The following SORBS2 variants were observed in gnomAD, a reference collection of about 807,000 sequenced individuals.
SORBS2 encodes the protein sorbin and SH3 domain containing 2.
Under a neutral mutation model 97.7 loss-of-function variants are expected in SORBS2, and 46 were observed. The observed-to-expected ratio is 0.47, with a 90% CI of 0.37 to 0.60. The LOEUF is 0.60. SORBS2 is among the 20% of genes least tolerant of loss of function. The pLI is 0.00. For missense variants in SORBS2, 1,316 were observed against 1,282.3 expected, an observed-to-expected ratio of 1.03 and a Z score of -0.40; for synonymous variants, 476 against 473.4, an observed-to-expected ratio of 1.01 and a Z score of -0.07.
chr4:185,811,084 T>TAA (rs1367806181), intron 1 of SORBS2: 1 of 152,136 alleles, frequency 6.6e-6, no homozygotes, highest in East Asian at 1.9e-4. Flanking sequence ...TTCCAATACC[T>TAA]ACACTGTTTG....
At chr4:185,939,429 G>T (rs993217991) in intron 1 of SORBS2, among the ~76,000 whole-genome samples, 1 of 152,078 alleles carries the variant, frequency 6.6e-6, no homozygotes, top group African/African-American at 2.4e-5. Context: ...TTTGGCCCAC[G>T]TCCCTCTCTG....
intron 1 of SORBS2, among the ~76,000 whole-genome samples, chr4:185,800,917 G>A (rs1043538123): frequency 2.6e-5 from 4 of 152,104 alleles, no homozygotes; most frequent in Non-Finnish European, 5.9e-5. Context: ...AGAACATTTG[G>A]ATCTACTCCC....
intron 2 of SORBS2, among the ~76,000 whole-genome samples, chr4:185,682,293 G>A (rs573349738): frequency 2.4e-4 from 37 of 152,284 alleles, no homozygotes; most frequent in African/African-American, 7.5e-4. Context: ...CCCATACTGC[G>A]GCATTCCTTT....
intron 1 of SORBS2, among the ~76,000 whole-genome samples, chr4:185,894,734 C>T (rs1474403182): frequency 6.6e-6 from 1 of 152,198 alleles, no homozygotes; most frequent in Admixed American, 6.5e-5. Context: ...AAGAGAGCTG[C>T]CACCTCAGTC....
chr4:185,907,708 A>G (rs1179504891), intron 1 of SORBS2, among the ~76,000 whole-genome samples: 5 of 152,180 alleles, frequency 3.3e-5, no homozygotes, highest in Non-Finnish European at 7.3e-5. Context: ...AGATGTTATT[A>G]TAGGTATAGA....
chr4:185,633,572 ACT>A (rs2096942659), intron 4 of SORBS2, among the ~76,000 whole-genome samples: 1 of 151,758 alleles, frequency 6.6e-6, no homozygotes, highest in African/African-American at 2.4e-5. Context: ...AATTAACAGA[ACT>A]CTTTTCACAG....
At chr4:185,707,513 GT>G (rs5864953) in intron 2 of SORBS2, among the ~76,000 whole-genome samples, 96,605 of 148,396 alleles carry the variant, frequency 0.65, 32,953 homozygotes, top group Non-Finnish European at 0.77. Flanking sequence ...AAACATCTTT[GT>G]TTTTTTTTTT....
intron 1 of SORBS2, among the ~76,000 whole-genome samples, chr4:185,655,768 C>T (rs2097390302): frequency 2.0e-5 from 3 of 152,120 alleles, no homozygotes; most frequent in African/African-American, 7.2e-5. Flanking sequence ...CCTTTTGAAA[C>T]TAACCAGGCA....
intron 4 of SORBS2, among the ~76,000 whole-genome samples, chr4:185,672,723 C>G (rs1043188704): frequency 1.8e-4 from 28 of 152,174 alleles, no homozygotes; most frequent in Non-Finnish European, 1.5e-5. Context: ...ATGTACTTTT[C>G]ACATCTTGGT....
chr4:185,814,698 G>A (rs1585237811), intron 1 of SORBS2, among the ~76,000 whole-genome samples: 2 of 152,192 alleles, frequency 1.3e-5, no homozygotes, highest in Admixed American at 1.3e-4. Context: ...CCCCCAGTTT[G>A]CACTGAACCG....
intron 4 of SORBS2, among the ~76,000 whole-genome samples, chr4:185,673,230 C>T (rs13136401): frequency 0.63 from 95,579 of 151,986 alleles, 30,983 homozygotes; most frequent in East Asian, 0.84. Flanking sequence ...ATGAATAAAT[C>T]CTAGAGATCT....
At chr4:185,711,024 C>G (rs1455808915) in intron 2 of SORBS2, among the ~76,000 whole-genome samples, 1 of 151,984 alleles carries the variant, frequency 6.6e-6, no homozygotes, top group Non-Finnish European at 1.5e-5. Flanking sequence ...GGCTGGAGTG[C>G]CGTGGTGTGA....
At chr4:185,950,448 G>GA (rs1281553506) in intron 1 of SORBS2, among the ~76,000 whole-genome samples, 3 of 152,140 alleles carry the variant, frequency 2.0e-5, no homozygotes, top group Non-Finnish European at 4.4e-5. Context: ...ACAGTTAATG[G>GA]AAAAAGAGAC....
intron 2 of SORBS2, among the ~76,000 whole-genome samples, chr4:185,728,379 G>GT (rs1378652766): frequency 6.6e-6 from 1 of 152,226 alleles, no homozygotes; most frequent in Non-Finnish European, 1.5e-5. Context: ...ATGGGAATCA[G>GT]TTGGAAGTAT....
intron 6 of SORBS2, 115 bp from the exon 19 acceptor site, chr4:185,624,609 T>C: frequency 8.7e-7 from 1 of 1,146,686 alleles, no homozygotes; most frequent in Non-Finnish European, 1.2e-6. Context: ...AGAAAGCAGT[T>C]AGTGTGTTTT....
intron 2 of SORBS2, among the ~76,000 whole-genome samples, chr4:185,702,236 ATTTGCTTGGG>A (rs201298585): frequency 0.012 from 1,827 of 152,224 alleles, 42 homozygotes; most frequent in African/African-American, 0.041. Flanking sequence ...TGGCACTGAC[ATTTGCTTGGG>A]TTTTAGAGAG....
chr4:185,847,981 T>C (rs894580479), intron 1 of SORBS2, among the ~76,000 whole-genome samples: 3 of 152,154 alleles, frequency 2.0e-5, no homozygotes, highest in African/African-American at 4.8e-5. Flanking sequence ...CTGGCCTGAA[T>C]TGTGGGATCT....
intron 3 of SORBS2, among the ~76,000 whole-genome samples, chr4:185,647,446 T>C (rs1422534435): frequency 6.9e-6 from 1 of 144,968 alleles, no homozygotes; most frequent in African/African-American, 2.6e-5. Context: ...AGAGTCTTCC[T>C]CTGTTGCCCA....
At chr4:185,621,864 C>A (rs182594238) in intron 7 of SORBS2, among the ~76,000 whole-genome samples, 2 of 152,188 alleles carry the variant, frequency 1.3e-5, no homozygotes, top group Non-Finnish European at 2.9e-5. Flanking sequence ...CTCTCTGGGC[C>A]CAACTTCCAA....
Sources: gnomAD v4.1 joint callset for allele counts (sites outside exome capture counted in the v4.1 genomes callset) on GRCh38, gnomAD v4.1.1 for gene constraint, MANE v1.5 for transcripts, NCBI Gene and HGNC (gene_info 2026-07-23, HGNC 2026-07-21) for gene names.